C1QTNF3: variants seen among roughly 807,000 people sequenced by gnomAD.
C1QTNF3 encodes the protein complement C1q tumor necrosis factor-related protein 3.
C1QTNF3 carries 26 observed loss-of-function variants against 32.6 expected under a neutral mutation model. That is an observed-to-expected ratio of 0.80 (90% confidence interval 0.58 to 1.11). The LOEUF (loss-of-function observed/expected upper bound fraction) is 1.11. Among genes scored for constraint, C1QTNF3 ranks in the 50% least tolerant of loss-of-function variants. The pLI, the probability that C1QTNF3 is intolerant of heterozygous loss-of-function variation, is 0.00. For missense variants in C1QTNF3, 362 were observed against 398.2 expected (o/e 0.91, Z 0.77); for synonymous variants, 155 against 146.0 (o/e 1.06, Z -0.44).
At chr5:34,203,703 G>A in the C1QTNF3 span, among the ~76,000 whole-genome samples, 2 of 150,784 alleles carry the variant, frequency 1.3e-5, no homozygotes, top group Admixed American at 6.6e-5. Context: ...AAAAAAAAAA[G>A]AAAGGTAGAT....
the C1QTNF3 span, among the ~76,000 whole-genome samples, chr5:34,120,163 C>T: frequency 6.6e-6 from 1 of 152,278 alleles, no homozygotes; most frequent in South Asian, 2.1e-4. Context: ...TTTAGAAATT[C>T]AGTAGATTTC....
At chr5:34,220,003 T>C in the C1QTNF3 span, 3 of 152,234 alleles carry the variant, frequency 2.0e-5, no homozygotes, top group East Asian at 5.8e-4. Context: ...GTTAGTTATG[T>C]GTGAATTAAA....
chr5:34,222,789 T>C, the C1QTNF3 span, among the ~76,000 whole-genome samples: 1 of 152,038 alleles, frequency 6.6e-6, no homozygotes, highest in East Asian at 1.9e-4. Flanking sequence ...TATTTTCTCA[T>C]AGCAGAATAT....
chr5:34,206,764 T>C, the C1QTNF3 span, among the ~76,000 whole-genome samples: 8 of 149,464 alleles, frequency 5.4e-5, no homozygotes, highest in East Asian at 2.0e-4. Flanking sequence ...ACAGAGTTGT[T>C]CTGAGGGGAA....
chr5:34,205,789 T>A, the C1QTNF3 span, among the ~76,000 whole-genome samples: 1 of 149,288 alleles, frequency 6.7e-6, no homozygotes, highest in Middle Eastern at 3.4e-3. Context: ...ATTGTTTCTT[T>A]GCTCTCTCAT....
chr5:34,060,588 C>T, the C1QTNF3 span, among the ~76,000 whole-genome samples: 10 of 152,180 alleles, frequency 6.6e-5, no homozygotes, highest in African/African-American at 2.4e-4. Context: ...CACAGTTCCA[C>T]CTGGCTGGGG....
the C1QTNF3 span, among the ~76,000 whole-genome samples, chr5:34,162,765 A>G: frequency 6.6e-6 from 1 of 152,200 alleles, no homozygotes; most frequent in African/African-American, 2.4e-5. Context: ...TAATGTGAAG[A>G]GTTCAACAAA....
chr5:34,043,442 C>G, upstream of C1QTNF3: 1 of 352,114 alleles, frequency 2.8e-6, no homozygotes, highest in Non-Finnish European at 5.2e-6. Flanking sequence ...ACACAACCAG[C>G]TGGGAACAGA....
At chr5:34,128,070 C>G in the C1QTNF3 span, among the ~76,000 whole-genome samples, 1 of 152,154 alleles carries the variant, frequency 6.6e-6, no homozygotes, top group Non-Finnish European at 1.5e-5. Flanking sequence ...TTGGGTTGGG[C>G]CCAGGTCCTC....
intron 1 of C1QTNF3, among the ~76,000 whole-genome samples, chr5:34,042,479 C>T (rs928540340): frequency 5.3e-5 from 8 of 152,298 alleles, no homozygotes; most frequent in South Asian, 4.1e-4. Flanking sequence ...AGTGACCGAT[C>T]TGTCTGCATG....
chr5:34,096,544 A>C, the C1QTNF3 span, among the ~76,000 whole-genome samples: 1 of 136,704 alleles, frequency 7.3e-6, no homozygotes, highest in African/African-American at 2.8e-5. Context: ...TAATTACAAT[A>C]ATAATAAATA....
At chr5:34,088,041 T>C in the C1QTNF3 span, among the ~76,000 whole-genome samples, 6 of 152,410 alleles carry the variant, frequency 3.9e-5, no homozygotes, top group East Asian at 1.9e-4. Context: ...CTCCTAAAAA[T>C]TTAAGCAAAT....
At chr5:34,147,607 T>C in the C1QTNF3 span, among the ~76,000 whole-genome samples, 1 of 151,580 alleles carries the variant, frequency 6.6e-6, no homozygotes, top group Non-Finnish European at 1.5e-5. Context: ...AAGTGGGAAA[T>C]AAATACTGAG....
At chr5:34,059,249 C>T in the C1QTNF3 span, among the ~76,000 whole-genome samples, 26 of 152,160 alleles carry the variant, frequency 1.7e-4, no homozygotes, top group South Asian at 5.2e-3. Context: ...CCTACATGGT[C>T]GTCCATGTGT....
At chr5:34,134,594 C>T in the C1QTNF3 span, among the ~76,000 whole-genome samples, 69 of 152,224 alleles carry the variant, frequency 4.5e-4, no homozygotes, top group African/African-American at 1.6e-3. Flanking sequence ...AAGTATTAAG[C>T]GAAGTACAAT....
the C1QTNF3 span, among the ~76,000 whole-genome samples, chr5:34,174,257 C>T: frequency 1.3e-5 from 2 of 152,172 alleles, no homozygotes; most frequent in Non-Finnish European, 2.9e-5. Flanking sequence ...CATGGTTTCA[C>T]CATGTTGGCC....
the C1QTNF3 span, among the ~76,000 whole-genome samples, chr5:34,090,764 C>T: frequency 1.3e-5 from 2 of 151,968 alleles, no homozygotes; most frequent in Non-Finnish European, 2.9e-5. Flanking sequence ...CCTTCTGCCA[C>T]GTAATGACAC....
the C1QTNF3 span, among the ~76,000 whole-genome samples, chr5:34,126,104 T>C: frequency 2.0e-5 from 3 of 152,238 alleles, no homozygotes; most frequent in Non-Finnish European, 4.4e-5. Flanking sequence ...CAGCGAGAAA[T>C]GTTCTACTCA....
the C1QTNF3 span, among the ~76,000 whole-genome samples, chr5:34,064,876 A>G: frequency 6.6e-6 from 1 of 152,176 alleles, no homozygotes; most frequent in African/African-American, 2.4e-5. Context: ...GGTGTGTAAA[A>G]TCATTTATTC....
Sources: allele counts gnomAD v4.1 joint callset (sites outside exome capture counted in the v4.1 genomes callset), GRCh38; gene constraint gnomAD v4.1.1; transcripts MANE v1.5; gene names NCBI Gene and HGNC (gene_info 2026-07-23, HGNC 2026-07-21).